SLCO3A1: variants seen among roughly 807,000 people sequenced by gnomAD.
SLCO3A1 encodes the protein solute carrier organic anion transporter family member 3A1, also known as PGE1 transporter.
A neutral mutation model predicts 63.1 loss-of-function variants in SLCO3A1; 27 were observed. The ratio of observed to expected loss-of-function variants is 0.43; its 90% CI spans 0.32 to 0.59. The LOEUF (loss-of-function observed/expected upper bound fraction) is 0.59, where lower values mean the gene tolerates loss of function less well. SLCO3A1 is among the 20% of genes least tolerant of loss of function. The pLI, the probability that SLCO3A1 is intolerant of heterozygous loss-of-function variation, is 0.09. For missense variants in SLCO3A1, 773 were observed against 945.8 expected, an observed-to-expected ratio of 0.82 and a Z score of 2.40; for synonymous variants, 473 against 409.9, an observed-to-expected ratio of 1.15 and a Z score of -1.86.
chr15:92,021,509 T>C (rs1340606366), intron 2 of SLCO3A1, among the ~76,000 whole-genome samples: 1 of 152,210 alleles, frequency 6.6e-6, no homozygotes, highest in African/African-American at 2.4e-5. Flanking sequence ...ACACAATGCA[T>C]TTTGAGAAAA....
At chr15:92,060,523 G>A (rs993500899) in intron 2 of SLCO3A1, among the ~76,000 whole-genome samples, 7 of 150,838 alleles carry the variant, frequency 4.6e-5, no homozygotes, top group Non-Finnish European at 8.9e-5. Flanking sequence ...TTTTGGAGAC[G>A]GACTCTCGCT....
chr15:92,050,592 C>T (rs1321746404), intron 2 of SLCO3A1, among the ~76,000 whole-genome samples: 1 of 152,176 alleles, frequency 6.6e-6, no homozygotes, highest in Non-Finnish European at 1.5e-5. Flanking sequence ...AAATTACACC[C>T]CAACCCATTA....
intron 2 of SLCO3A1, 93 bp from the exon 3 acceptor site, chr15:92,094,788 C>T: frequency 1.3e-6 from 1 of 777,468 alleles, no homozygotes; most frequent in Non-Finnish European, 2.2e-6. Flanking sequence ...CATCTCATCT[C>T]ATCAATGTAA....
At chr15:92,024,274 TAGATAC>T (rs779448881) in intron 2 of SLCO3A1, among the ~76,000 whole-genome samples, 33 of 152,336 alleles carry the variant, frequency 2.2e-4, no homozygotes, top group Non-Finnish European at 4.7e-4. Context: ...TGTTCATTTC[TAGATAC>T]AGTTTGGTAA....
chr15:92,168,691 T>C (rs951232236), downstream of SLCO3A1, among the ~76,000 whole-genome samples: 5 of 152,216 alleles, frequency 3.3e-5, no homozygotes, highest in African/African-American at 1.2e-4. Context: ...GCTAGGTGTC[T>C]ATCAGCCTTA....
intron 8 of SLCO3A1, 145 bp from the exon 9 acceptor site, chr15:92,150,800 AGACAC>A: frequency 4.0e-6 from 2 of 505,590 alleles, no homozygotes; most frequent in Non-Finnish European, 6.9e-6. Context: ...AAAAAAAAAA[AGACAC>A]TATTAGTAAT....
intron 2 of SLCO3A1, among the ~76,000 whole-genome samples, chr15:91,998,157 T>A (rs576222407): frequency 6.6e-6 from 1 of 152,128 alleles, no homozygotes; most frequent in African/African-American, 2.4e-5. Context: ...AACAACCTCA[T>A]TAAAAAGTGG....
At position 92,164,892 on chromosome 15, in the gene SLCO3A1, G is replaced by C. The variant is rs1328083103; in HGVS notation, c.*1757G>C. The C allele has an allele frequency of 1.0e-6, 1 of 985,276 alleles. No individual in the cohort carries two copies. The highest frequency in any genetic ancestry group is 6.2e-5 in the Admixed American group (1 of 16,260). The allele number at this position is 985,276 out of a possible 1,614,324, so 61.0% of individuals were successfully genotyped here. On this transcript the variant is annotated 3_prime_UTR_variant, in exon 10 of 10. Coordinates refer to ENST00000318445, the MANE Select transcript of SLCO3A1 (RefSeq NM_013272.4). ...TCATACACACACAACAAAGGGCCCT[G>C]CTAACTTACTCCTCATGCTGCTTCA...
chr15:91,966,119 T>G (rs1238938095), intron 2 of SLCO3A1, among the ~76,000 whole-genome samples: 1 of 152,120 alleles, frequency 6.6e-6, no homozygotes, highest in East Asian at 1.9e-4. Context: ...GCAGCTCTGA[T>G]CTGAAGTAAC....
At chr15:91,984,547 A>G (rs1224936978) in intron 2 of SLCO3A1, among the ~76,000 whole-genome samples, 3 of 152,220 alleles carry the variant, frequency 2.0e-5, no homozygotes, top group Non-Finnish European at 4.4e-5. Context: ...ACAATACTTT[A>G]TCAATTTTAT....
At chr15:92,073,488 C>T (rs1032547174) in intron 2 of SLCO3A1, among the ~76,000 whole-genome samples, 4 of 152,288 alleles carry the variant, frequency 2.6e-5, no homozygotes, top group Middle Eastern at 3.4e-3. Flanking sequence ...TTTCCTTTGG[C>T]AGAAAAGAGA....
chr15:91,980,975 T>G (rs2045976971), intron 2 of SLCO3A1, among the ~76,000 whole-genome samples: 1 of 152,168 alleles, frequency 6.6e-6, no homozygotes, highest in Admixed American at 6.5e-5. Context: ...GGGGCGAAAT[T>G]ACTGGCAGCT....
At chr15:92,005,816 C>T (rs1022053386) in intron 2 of SLCO3A1, among the ~76,000 whole-genome samples, 1 of 152,120 alleles carries the variant, frequency 6.6e-6, no homozygotes, top group Non-Finnish European at 1.5e-5. Flanking sequence ...GTAGGGATGG[C>T]CTGTCTATGT....
At chr15:91,869,836 C>G (rs1215750667) in intron 1 of SLCO3A1, among the ~76,000 whole-genome samples, 4 of 152,196 alleles carry the variant, frequency 2.6e-5, no homozygotes, top group Non-Finnish European at 4.4e-5. Context: ...CAGATTCAGG[C>G]TTCTTTTCAC....
intron 1 of SLCO3A1, among the ~76,000 whole-genome samples, chr15:91,879,895 AT>A (rs1227734321): frequency 1.3e-5 from 2 of 152,114 alleles, no homozygotes; most frequent in African/African-American, 4.8e-5. Context: ...CCAGACAGAG[AT>A]TTTATGTAAG....
At chr15:91,905,052 C>T (rs911701367) in intron 1 of SLCO3A1, among the ~76,000 whole-genome samples, 17 of 152,198 alleles carry the variant, frequency 1.1e-4, no homozygotes, top group Admixed American at 6.5e-5. Flanking sequence ...GAGATGCTTA[C>T]GCTCATCCCT....
At chr15:92,058,817 C>T (rs1161784217) in intron 2 of SLCO3A1, among the ~76,000 whole-genome samples, 1 of 152,128 alleles carries the variant, frequency 6.6e-6, no homozygotes, top group African/African-American at 2.4e-5. Flanking sequence ...CCCCGCCTGC[C>T]TTCTGGTGGT....
At chr15:92,083,865 C>T (rs560589702) in intron 2 of SLCO3A1, among the ~76,000 whole-genome samples, 3 of 152,216 alleles carry the variant, frequency 2.0e-5, no homozygotes, top group South Asian at 4.2e-4. Context: ...AACAATCCTG[C>T]GAGGTGGGTA....
chr15:92,158,659 C>T (rs2151600984), intron 9 of SLCO3A1, among the ~76,000 whole-genome samples: 1 of 152,250 alleles, frequency 6.6e-6, no homozygotes. Context: ...GAGTGACGAA[C>T]ATATAAGGAT....
Sources: allele counts gnomAD v4.1 joint callset (sites outside exome capture counted in the v4.1 genomes callset), GRCh38; gene constraint gnomAD v4.1.1; transcripts MANE v1.5; gene names NCBI Gene and HGNC (gene_info 2026-07-23, HGNC 2026-07-21).